KCNK5: variants seen among roughly 807,000 people sequenced by gnomAD.
The protein encoded by KCNK5 is potassium two pore domain channel subfamily K member 5, also known as potassium channel subfamily K member 5.
A neutral mutation model predicts 32.9 loss-of-function variants in KCNK5; 18 were observed. The ratio of observed to expected loss-of-function variants is 0.55; its 90% CI spans 0.38 to 0.81. The LOEUF is 0.81. Ranked by LOEUF, KCNK5 falls within the 30% of genes least tolerant of loss-of-function variation. The pLI is 0.00. For missense variants in KCNK5, 507 were observed against 651.0 expected (o/e 0.78, Z 2.41); for synonymous variants, 276 against 275.3 (o/e 1.00, Z -0.03).
intron 1 of KCNK5, among the ~76,000 whole-genome samples, chr6:39,217,646 C>A (rs1771465921): frequency 6.6e-6 from 1 of 152,216 alleles, no homozygotes; most frequent in South Asian, 2.1e-4. Flanking sequence ...AGTTAAATAA[C>A]CACTAAGCTC....
chr6:39,208,819 G>A (rs1771276224), intron 1 of KCNK5, among the ~76,000 whole-genome samples: 1 of 152,258 alleles, frequency 6.6e-6, no homozygotes, highest in Non-Finnish European at 1.5e-5. Context: ...GCTGGGCACA[G>A]TGGCTCATGC....
chr6:39,211,506 C>T (rs1311029396), intron 1 of KCNK5, among the ~76,000 whole-genome samples: 1 of 152,164 alleles, frequency 6.6e-6, no homozygotes, highest in African/African-American at 2.4e-5. Context: ...CCAGATGTGG[C>T]ATTAGAAACC....
rs1163352868 is a variant in KCNK5 at position 39,229,065 on chromosome 6, A to AGGTAGAAGATGATGGCCG, written c.29_46dup (p.Tyr15_Leu16insProAlaIleIlePheTyr). On this transcript the variant is annotated inframe_insertion, in exon 1 of 5. Transcript: ENST00000359534. Reference sequence around the variant, plus strand: ...TTCGAAGATCGCCGCCCCGATGGCCAGGTAGAAGATGATGGCCGAGGTGAG... The same window carrying AGGTAGAAGATGATGGCCG: ...TTCGAAGATCGCCGCCCCGATGGCCAGGTAGAAGATGATGGCCGGGTAGAAGATGATGGCCGAGGTGAG... 1 of 1,614,128 alleles carries AGGTAGAAGATGATGGCCG rather than the reference A, an allele frequency of 6.2e-7. No homozygotes were observed. The highest frequency in any genetic ancestry group is 1.7e-5 in the Admixed American group (1 of 60,012).
At chr6:39,193,208 T>C (rs1770971255) in intron 4 of KCNK5, among the ~76,000 whole-genome samples, 1 of 152,202 alleles carries the variant, frequency 6.6e-6, no homozygotes, top group South Asian at 2.1e-4. Flanking sequence ...GGCACCTCCT[T>C]AGCCTGCTCT....
At chr6:39,201,253 CTTT>C (rs11291715) in intron 1 of KCNK5, among the ~76,000 whole-genome samples, 52 of 141,334 alleles carry the variant, frequency 3.7e-4, no homozygotes, top group East Asian at 4.1e-4. Context: ...CTTTTTTCTT[CTTT>C]TTTTTTTTTT....
chr6:39,201,238 C>T (rs1340993897), intron 1 of KCNK5, among the ~76,000 whole-genome samples: 2 of 150,106 alleles, frequency 1.3e-5, no homozygotes, highest in Non-Finnish European at 3.0e-5. Flanking sequence ...CCAGCTGCAT[C>T]AATTCTTTTT....
intron 1 of KCNK5, among the ~76,000 whole-genome samples, chr6:39,197,950 A>G (rs1441267287): frequency 6.6e-6 from 1 of 152,242 alleles, no homozygotes; most frequent in Non-Finnish European, 1.5e-5. Context: ...CACAAAAAGG[A>G]AAAGAGTGGA....
rs1008025467 is a variant in KCNK5, at chr6:39,229,243, C to A, written c.-132G>T. ...CATGCGCAGTGCCCGGTACTCACCCCCCGCAAGCACCGCTCCCCGGACAGA... is the reference window on the plus strand; with the variant it reads ...CATGCGCAGTGCCCGGTACTCACCCACCGCAAGCACCGCTCCCCGGACAGA... On this transcript the variant is annotated 5_prime_UTR_variant, in exon 1 of 5. Coordinates refer to ENST00000359534, the MANE Select transcript of KCNK5 (RefSeq NM_003740.4). 3 of 894,114 alleles carry A rather than the reference C, an allele frequency of 3.4e-6. No homozygotes were observed. Among genetic ancestry groups the A allele is most frequent in the African/African-American group, 1.7e-5 (1 of 59,428 alleles). 55.4% of individuals were successfully genotyped at this position (894,114 alleles called of 1,614,324 possible).
At chr6:39,215,002 A>G (rs1174645429) in intron 1 of KCNK5, among the ~76,000 whole-genome samples, 1 of 152,192 alleles carries the variant, frequency 6.6e-6, no homozygotes, top group Non-Finnish European at 1.5e-5. Context: ...GGCCTTATTG[A>G]ACAAGTGCTT....
intron 1 of KCNK5, among the ~76,000 whole-genome samples, chr6:39,225,792 A>ACTGC (rs1771661722): frequency 6.6e-6 from 1 of 152,206 alleles, no homozygotes; most frequent in African/African-American, 2.4e-5. Flanking sequence ...CCTGGGGCAG[A>ACTGC]CTGCCTGGTC....
At chr6:39,212,721 G>A (rs929037984) in intron 1 of KCNK5, among the ~76,000 whole-genome samples, 3 of 152,106 alleles carry the variant, frequency 2.0e-5, no homozygotes, top group African/African-American at 7.2e-5. Flanking sequence ...GGAAACAGCC[G>A]GATGGGTGTC....
chr6:39,191,089 G>T lies in KCNK5; in HGVS notation c.1301C>A (p.Thr434Asn). ...NTEAGLSDEE[T>N]SKSSLEDNLA... Reference sequence around the variant, plus strand: ...GTTGTCCTCTAGCGAGGACTTGGAGGTCTCCTCGTCTGAGAGGCCAGCCTC... The same window carrying T: ...GTTGTCCTCTAGCGAGGACTTGGAGTTCTCCTCGTCTGAGAGGCCAGCCTC... Residue 434 changes from threonine (T) to asparagine (N), a missense_variant, in exon 5 of 5, where the codon ACC (threonine) becomes AAC (asparagine). This residue lies in a region of KCNK5 where 252 missense variants were observed against 250.8 expected (regional missense o/e 1.00). Transcript: ENST00000359534. The surrounding 1 kb of genome is among the most constrained non-coding windows in gnomAD (Gnocchi z 5.8). The T allele has an allele frequency of 1.2e-6, 2 of 1,614,104 alleles. No homozygotes were observed. The highest frequency in any genetic ancestry group is 1.7e-6 in the Non-Finnish European group (2 of 1,180,018).
chr6:39,218,627 T>C (rs984393830), intron 1 of KCNK5, among the ~76,000 whole-genome samples: 1 of 152,090 alleles, frequency 6.6e-6, no homozygotes, highest in Admixed American at 6.6e-5. Flanking sequence ...CAGAGACCCA[T>C]GGTAAGGGCA....
At chr6:39,227,067 C>T (rs1270999233) in intron 1 of KCNK5, among the ~76,000 whole-genome samples, 1 of 152,140 alleles carries the variant, frequency 6.6e-6, no homozygotes, top group Non-Finnish European at 1.5e-5. Context: ...GCCTCCAAAG[C>T]TATGACCACC....
In KCNK5 at chr6:39,229,199, G is replaced by GTT; in HGVS notation, c.-90_-89dup. The GTT allele has an allele frequency of 7.3e-7, 1 of 1,374,926 alleles. No individual in the cohort carries two copies. Among genetic ancestry groups the GTT allele is most frequent in the Non-Finnish European group, 1.0e-6 (1 of 999,328 alleles). 85.2% of individuals were successfully genotyped at this position (1,374,926 alleles called of 1,614,324 possible). A position where few individuals can be genotyped will look rare whatever the true frequency, so the allele number is the denominator to read the frequency against. The stretch of plus-strand genomic sequence containing the variant: ...CGCCCTCCAGCCTCTGAAAACAGCT[G>GTT]TTTGAATTTGGAGCTCCGCATGCGC... On this transcript the variant is annotated 5_prime_UTR_variant, in exon 1 of 5. The change abolishes the stop of an existing upstream ORF in the 5' untranslated region. Transcript: ENST00000359534.
chr6:39,228,822 C>A, intron 1 of KCNK5, 104 bp downstream of exon 1: 3 of 1,155,792 alleles, frequency 2.6e-6, no homozygotes, highest in Non-Finnish European at 3.8e-6. Flanking sequence ...GGACCTTCCA[C>A]AGGGACTGAG....
rs150238358 is a variant in KCNK5 at position 39,194,741 on chromosome 6, G to T, written c.318C>A (p.Pro106=). The change falls in exon 3 of 5, where the codon CCC becomes CCA. Residue 106 remains proline (P), a synonymous_variant. Transcript: ENST00000359534. The surrounding 1 kb of genome is among the most constrained non-coding windows in gnomAD (Gnocchi z 4.7). The part of the protein sequence containing the change: ...ITTIGYGNVA[P]KTPAGRLFCV... ...AGAAGAGGCGACCGGCGGGGGTCTT[G>T]GGAGCCACATTGCCATATCCTGAGG... The T allele has an allele frequency of 6.2e-7, 1 of 1,614,028 alleles. No homozygotes were observed. Among genetic ancestry groups the T allele is most frequent in the Non-Finnish European group, 8.5e-7 (1 of 1,179,992 alleles).
chr6:39,197,689 C>T (rs1583706616), intron 1 of KCNK5, among the ~76,000 whole-genome samples: 1 of 152,222 alleles, frequency 6.6e-6, no homozygotes, highest in Non-Finnish European at 1.5e-5. Context: ...ACCAGGGCCA[C>T]GTTAATGTTA....
intron 1 of KCNK5, among the ~76,000 whole-genome samples, chr6:39,228,371 C>A (rs1317898389): frequency 6.6e-6 from 1 of 152,216 alleles, no homozygotes; most frequent in African/African-American, 2.4e-5. Flanking sequence ...TGGGTTCGGG[C>A]CCCACAGAGC....
Sources: allele counts gnomAD v4.1 joint callset (sites outside exome capture counted in the v4.1 genomes callset), GRCh38; gene constraint gnomAD v4.1.1; regional missense constraint gnomAD v4.1.1; non-coding constraint Gnocchi (gnomAD v3.1); transcripts MANE v1.5; gene names NCBI Gene and HGNC (gene_info 2026-07-23, HGNC 2026-07-21).